Variants in RASEF observed in about 807,000 individuals in gnomAD.
RASEF encodes RAS and EF-hand domain containing.
In RASEF, 68 loss-of-function variants were observed where a neutral mutation model predicts 90.1. The observed-to-expected ratio is 0.75, with a 90% CI of 0.62 to 0.92. The LOEUF is 0.92. Among genes scored for constraint, RASEF ranks in the 40% least tolerant of loss-of-function variants. RASEF has a pLI of 0.00. For synonymous variants in RASEF, 331 were observed against 345.2 expected, an observed-to-expected ratio of 0.96 and a Z score of 0.46; for missense variants, 949 against 937.2, an observed-to-expected ratio of 1.01 and a Z score of -0.16.
intron 1 of RASEF, among the ~76,000 whole-genome samples, chr9:83,043,906 C>T (rs1016763169): frequency 6.6e-6 from 1 of 152,146 alleles, no homozygotes; most frequent in Admixed American, 6.5e-5. Context: ...TAGAAACGCC[C>T]TTGACTAGCA....
intron 1 of RASEF, among the ~76,000 whole-genome samples, chr9:83,057,409 A>G (rs1299819780): frequency 6.6e-6 from 1 of 152,244 alleles, no homozygotes; most frequent in African/African-American, 2.4e-5. Flanking sequence ...AGCTGTAGTT[A>G]TCAAGAGACA....
the RASEF span, among the ~76,000 whole-genome samples, chr9:83,142,421 A>G: frequency 6.6e-6 from 1 of 152,238 alleles, no homozygotes; most frequent in African/African-American, 2.4e-5. Context: ...ATAACAAACT[A>G]CATGCATTTT....
At chr9:83,049,368 G>C in intron 1 of RASEF, 1 of 983,654 alleles carries the variant, frequency 1.0e-6, no homozygotes, top group Non-Finnish European at 1.2e-6. Context: ...GTCCGTGCGG[G>C]ACTGGCTCAT....
the RASEF span, among the ~76,000 whole-genome samples, chr9:83,172,635 GA>G: frequency 2.6e-5 from 4 of 151,678 alleles, no homozygotes; most frequent in Admixed American, 6.6e-5. Flanking sequence ...AACAAATAAT[GA>G]AAAAAACTTT....
chr9:83,012,165 A>G (rs1829258320), intron 5 of RASEF, among the ~76,000 whole-genome samples: 1 of 152,202 alleles, frequency 6.6e-6, no homozygotes, highest in Non-Finnish European at 1.5e-5. Flanking sequence ...ATGTTGGAAG[A>G]ACACAGGGTT....
At chr9:82,995,593 A>G (rs1265038321) in intron 14 of RASEF, among the ~76,000 whole-genome samples, 5 of 152,118 alleles carry the variant, frequency 3.3e-5, no homozygotes, top group Non-Finnish European at 7.4e-5. Context: ...CTAGAGGTCC[A>G]TACTAACATG....
At chr9:83,212,098 C>G in the RASEF span, among the ~76,000 whole-genome samples, 1 of 151,842 alleles carries the variant, frequency 6.6e-6, no homozygotes, top group Non-Finnish European at 1.5e-5. Flanking sequence ...AATCAGGGTC[C>G]AGTGAGAGAT....
the RASEF span, among the ~76,000 whole-genome samples, chr9:83,176,338 G>A: frequency 2.6e-5 from 4 of 152,076 alleles, no homozygotes; most frequent in Non-Finnish European, 5.9e-5. Context: ...TAGTTTACAT[G>A]AAATAACTTT....
the RASEF span, among the ~76,000 whole-genome samples, chr9:83,118,126 G>T: frequency 1.3e-5 from 2 of 152,168 alleles, no homozygotes; most frequent in Non-Finnish European, 2.9e-5. Context: ...TCTATAGGCT[G>T]ATAGGTGATG....
chr9:83,079,819 G>A, the RASEF span, among the ~76,000 whole-genome samples: 1 of 149,798 alleles, frequency 6.7e-6, no homozygotes, highest in Non-Finnish European at 1.5e-5. Context: ...GGTAGAAAGT[G>A]TATAGGTAGA....
rs114118568 is a variant in RASEF, at chr9:83,029,890, G to T, written c.432-3969C>A. On this transcript the variant is annotated intron_variant, in intron 1 of 16. Coordinates refer to ENST00000376447, the MANE Select transcript of RASEF (RefSeq NM_152573.4). ...TCAGAGCTGAGTACAAATTCTGGTT[G>T]CAATAGTAAGCCATATTTATTACGG... Among the ~76,000 whole-genome samples, 1,101 of 152,296 alleles carry T rather than the reference G, an allele frequency of 7.2e-3. 13 individuals carry two copies. The highest frequency in any genetic ancestry group is 0.025 in the African/African-American group (1,043 of 41,554).
At chr9:83,004,975 A>T (rs1020311744) in intron 8 of RASEF, among the ~76,000 whole-genome samples, 4 of 152,178 alleles carry the variant, frequency 2.6e-5, no homozygotes, top group African/African-American at 9.7e-5. Context: ...CTTACACATG[A>T]AGCTGACTTC....
chr9:83,147,594 G>A, the RASEF span, among the ~76,000 whole-genome samples: 1 of 152,096 alleles, frequency 6.6e-6, no homozygotes, highest in Non-Finnish European at 1.5e-5. Context: ...GTAGTGTCTA[G>A]GGGTGGGTGC....
At chr9:83,148,356 G>T in the RASEF span, among the ~76,000 whole-genome samples, 3 of 152,090 alleles carry the variant, frequency 2.0e-5, no homozygotes, top group East Asian at 5.8e-4. Flanking sequence ...TTAGAGTAGG[G>T]TGAGCCCTCA....
At chr9:83,062,225 G>C (rs1214363995) in intron 1 of RASEF, among the ~76,000 whole-genome samples, 7 of 152,150 alleles carry the variant, frequency 4.6e-5, no homozygotes, top group Non-Finnish European at 8.8e-5. Context: ...GATTCAGCAC[G>C]TAAAACTTTC....
At chr9:83,068,490 C>T in the RASEF span, among the ~76,000 whole-genome samples, 1 of 152,244 alleles carries the variant, frequency 6.6e-6, no homozygotes, top group Non-Finnish European at 1.5e-5. Context: ...CTGAGGATGT[C>T]ACCCTGCTGA....
At chr9:82,984,357 G>T (rs944333386) in intron 16 of RASEF, among the ~76,000 whole-genome samples, 3 of 152,152 alleles carry the variant, frequency 2.0e-5, no homozygotes, top group Admixed American at 6.5e-5. Flanking sequence ...CATTGTGAGT[G>T]GCTAGTGGCT....
chr9:83,075,620 G>A, the RASEF span, among the ~76,000 whole-genome samples: 9 of 152,100 alleles, frequency 5.9e-5, no homozygotes, highest in Non-Finnish European at 1.2e-4. Flanking sequence ...CTATGAATTT[G>A]ATCTCAAAAC....
At chr9:83,134,211 GC>G in the RASEF span, among the ~76,000 whole-genome samples, 2 of 152,032 alleles carry the variant, frequency 1.3e-5, no homozygotes, top group Non-Finnish European at 2.9e-5. Flanking sequence ...CACCTGACTA[GC>G]AGAGGTGGTT....
Sources: allele counts gnomAD v4.1 joint callset (sites outside exome capture counted in the v4.1 genomes callset), GRCh38; gene constraint gnomAD v4.1.1; transcripts MANE v1.5; gene names NCBI Gene and HGNC (gene_info 2026-07-23, HGNC 2026-07-21).